The following MALRD1 variants were observed in gnomAD, a reference collection of about 807,000 sequenced individuals.
The protein encoded by MALRD1 is MAM and LDL receptor class A domain containing 1.
A neutral mutation model predicts 242.1 loss-of-function variants in MALRD1; 247 were observed. The ratio of observed to expected loss-of-function variants is 1.02; its 90% CI spans 0.92 to 1.13. The LOEUF is 1.13. MALRD1 is among the 50% of genes most tolerant of loss of function. The probability of loss-of-function intolerance (pLI) is 0.00; values close to 1 mark genes in which losing one functional copy is unlikely to be tolerated. For synonymous variants in MALRD1, 995 were observed against 866.6 expected, an observed-to-expected ratio of 1.15 and a Z score of -2.60; for missense variants, 2,989 against 2,533.1, an observed-to-expected ratio of 1.18 and a Z score of -3.86.
intron 32 of MALRD1, 62 bp from the exon 33 acceptor site, chr10:19,567,440 C>G: frequency 7.4e-7 from 1 of 1,352,392 alleles, no homozygotes; most frequent in Non-Finnish European, 1.0e-6. Flanking sequence ...CATCAATCAT[C>G]TGGATGTCCT....
At chr10:19,404,332 C>A (rs1324040736) in intron 28 of MALRD1, among the ~76,000 whole-genome samples, 1 of 151,900 alleles carries the variant, frequency 6.6e-6, no homozygotes, top group Non-Finnish European at 1.5e-5. Flanking sequence ...AAGCAGATAT[C>A]TCCGTACTTA....
At chr10:19,211,562 C>T (rs1193840386) in intron 18 of MALRD1, among the ~76,000 whole-genome samples, 1 of 151,544 alleles carries the variant, frequency 6.6e-6, no homozygotes, top group Non-Finnish European at 1.5e-5. Context: ...AGGCACGCAC[C>T]TGTAATCCCA....
chr10:19,209,496 C>T lies in MALRD1; in HGVS notation c.2807C>T (p.Thr936Ile). 6.4e-7 allele frequency: 1 copy of T among 1,550,770 alleles called. No homozygotes were observed. The highest frequency in any genetic ancestry group is 8.7e-7 in the Non-Finnish European group (1 of 1,147,018). ...TTACTCAGCCCAATCCTTAATGCCACTGATACAAAAGGCTGCACCTTCCGC... is the reference window on the plus strand; with the variant it reads ...TTACTCAGCCCAATCCTTAATGCCATTGATACAAAAGGCTGCACCTTCCGC... ...AALLSPILNATDTKGCTFRFY... is the reference protein window; with the variant it reads ...AALLSPILNAIDTKGCTFRFY... The change falls in exon 18 of 40, where the codon ACT becomes ATT. Residue 936 changes from threonine (T) to isoleucine (I), a missense_variant. Coordinates refer to ENST00000454679, the MANE Select transcript of MALRD1 (RefSeq NM_001142308.3).
chr10:19,627,758 C>CT (rs1839720864), intron 36 of MALRD1, among the ~76,000 whole-genome samples: 4 of 89,486 alleles, frequency 4.5e-5, no homozygotes, highest in African/African-American at 2.4e-4. Context: ...GCAAGACTGT[C>CT]TAAAAAAAAA....
chr10:19,526,356 C>CA (rs34959840), intron 31 of MALRD1, among the ~76,000 whole-genome samples: 98,116 of 146,624 alleles, frequency 0.67, 36,580 homozygotes, highest in Non-Finnish European at 0.84. Flanking sequence ...TATGATTCTC[C>CA]AAAAAAAAAA....
At chr10:19,643,443 T>A (rs995380492) in intron 36 of MALRD1, among the ~76,000 whole-genome samples, 3 of 151,870 alleles carry the variant, frequency 2.0e-5, no homozygotes, top group Non-Finnish European at 4.4e-5. Flanking sequence ...AGAAACTCCG[T>A]CTCAAAAAAA....
At chr10:19,202,452 A>G (rs1836580226) in intron 14 of MALRD1, among the ~76,000 whole-genome samples, 1 of 152,170 alleles carries the variant, frequency 6.6e-6, no homozygotes, top group Admixed American at 6.5e-5. Flanking sequence ...TCAGGATTCA[A>G]AATGATATTT....
intron 28 of MALRD1, among the ~76,000 whole-genome samples, chr10:19,390,241 C>T (rs1302026378): frequency 6.6e-6 from 1 of 152,128 alleles, no homozygotes. Flanking sequence ...ATTATTTGTG[C>T]ATCTGAAAGA....
At chr10:19,387,470 C>A in intron 26 of MALRD1, 58 bp from the exon 27 acceptor site, 1 of 1,496,840 alleles carries the variant, frequency 6.7e-7, no homozygotes, top group African/African-American at 1.4e-5. Context: ...TGCTTTTTGA[C>A]CTCACTGAAT....
intron 11 of MALRD1, among the ~76,000 whole-genome samples, chr10:19,150,871 AT>A (rs1314015263): frequency 2.6e-5 from 4 of 152,204 alleles, no homozygotes; most frequent in African/African-American, 9.6e-5. Context: ...CATCAATATC[AT>A]GACGATGTTT....
chr10:19,276,378 A>AAGT lies in MALRD1; in HGVS notation c.3080-3669_3080-3668insAGT, dbSNP rs58252254. 2.0e-5 allele frequency among the ~76,000 whole-genome samples: 3 copies of AAGT among 151,706 alleles called. No individual in the cohort carries two copies. In the East Asian group the frequency reaches 5.8e-4, roughly 29 times the overall value. Reference sequence around the variant, plus strand: ...ACAACAAATTTAGCGATCAAATTAGATTATTTTTAAGACCTTGTATTTAAA... The same window carrying AAGT: ...ACAACAAATTTAGCGATCAAATTAGAAGTTTATTTTTAAGACCTTGTATTTAAA... On this transcript the variant is annotated intron_variant, in intron 19 of 39. Transcript: ENST00000454679.
At chr10:19,474,365 A>G (rs759731326) in intron 29 of MALRD1, among the ~76,000 whole-genome samples, 7 of 152,186 alleles carry the variant, frequency 4.6e-5, no homozygotes, top group Non-Finnish European at 1.0e-4. Context: ...ATGTACATCC[A>G]AAGAGATTTG....
intron 14 of MALRD1, among the ~76,000 whole-genome samples, chr10:19,182,357 G>A (rs1365124449): frequency 3.3e-5 from 4 of 120,092 alleles, no homozygotes; most frequent in Non-Finnish European, 6.7e-5. Flanking sequence ...TTGAGACGGA[G>A]TCTGTTGCCC....
intron 14 of MALRD1, among the ~76,000 whole-genome samples, chr10:19,198,404 G>A (rs1301281372): frequency 1.3e-5 from 2 of 152,180 alleles, no homozygotes; most frequent in Non-Finnish European, 2.9e-5. Flanking sequence ...CGCTAAAGAG[G>A]CCTAAACTTA....
chr10:19,219,215 A>G (rs941351011), intron 18 of MALRD1, among the ~76,000 whole-genome samples: 9 of 152,182 alleles, frequency 5.9e-5, no homozygotes, highest in Non-Finnish European at 1.3e-4. Flanking sequence ...TCATTTAGAC[A>G]TTGTAATTTT....
chr10:19,484,761 T>C (rs756911519), intron 29 of MALRD1, among the ~76,000 whole-genome samples: 9 of 152,150 alleles, frequency 5.9e-5, no homozygotes, highest in Non-Finnish European at 8.8e-5. Context: ...GAAAACAATG[T>C]GGAGATTTCT....
intron 18 of MALRD1, among the ~76,000 whole-genome samples, chr10:19,236,079 G>A (rs1320291794): frequency 6.6e-6 from 1 of 152,148 alleles, no homozygotes; most frequent in Non-Finnish European, 1.5e-5. Context: ...AGGAATGGGT[G>A]ACTACTCGAG....
intron 11 of MALRD1, among the ~76,000 whole-genome samples, chr10:19,152,231 C>T (rs1254664421): frequency 6.6e-6 from 1 of 152,170 alleles, no homozygotes; most frequent in East Asian, 1.9e-4. Flanking sequence ...TCTAACTTGG[C>T]TCATTGTTTA....
At chr10:19,495,701 A>G (rs1837683884) in intron 30 of MALRD1, among the ~76,000 whole-genome samples, 1 of 152,306 alleles carries the variant, frequency 6.6e-6, no homozygotes, top group South Asian at 2.1e-4. Context: ...TGACATGATG[A>G]CAGGATTAAA....
Sources: allele counts gnomAD v4.1 joint callset (sites outside exome capture counted in the v4.1 genomes callset), GRCh38; gene constraint gnomAD v4.1.1; transcripts MANE v1.5; gene names NCBI Gene and HGNC (gene_info 2026-07-23, HGNC 2026-07-21).